Variants in UBAP2 observed in about 807,000 individuals in gnomAD.
The protein encoded by UBAP2 is ubiquitin-associated protein 2.
A neutral mutation model predicts 139.6 loss-of-function variants in UBAP2; 75 were observed. The observed-to-expected ratio is 0.54, with a 90% CI of 0.45 to 0.65. The LOEUF is 0.65. UBAP2 is among the 30% of genes least tolerant of loss of function. The pLI is 0.00. For missense variants in UBAP2, 1,368 were observed against 1,369.6 expected (o/e 1.00, Z 0.02); for synonymous variants, 526 against 526.2 (o/e 1.00, Z 0.01).
intron 10 of UBAP2, among the ~76,000 whole-genome samples, chr9:33,959,306 C>G (rs1826834783): frequency 6.6e-6 from 1 of 152,140 alleles, no homozygotes; most frequent in Non-Finnish European, 1.5e-5. Context: ...GGTCATTAAA[C>G]AAGTCAAGTA....
At chr9:33,969,460 G>C (rs1201556698) in intron 8 of UBAP2, among the ~76,000 whole-genome samples, 1 of 151,928 alleles carries the variant, frequency 6.6e-6, no homozygotes. Flanking sequence ...ATTAAGGTGG[G>C]ATGGCTTGAA....
At chr9:34,035,230 C>G (rs901643597) in intron 1 of UBAP2, among the ~76,000 whole-genome samples, 1 of 151,732 alleles carries the variant, frequency 6.6e-6, no homozygotes, top group African/African-American at 2.4e-5. Context: ...CGGCTAGGCG[C>G]GGTGGCTCAC....
chr9:33,926,634 G>GTAT lies in UBAP2; in HGVS notation c.2493_2494insATA (p.Leu831_Gln832insIle). ...CCACTCACCACTGGCAGCCGTGACT[G>GTAT]CAGCATCTGGAGCTCGTCATAGCCA... On this transcript the variant is annotated inframe_insertion, in exon 22 of 29. Transcript: ENST00000379238. The GTAT allele has an allele frequency of 6.2e-7, 1 of 1,614,212 alleles. No homozygotes were observed. The highest frequency in any genetic ancestry group is 8.5e-7 in the Non-Finnish European group (1 of 1,180,036).
chr9:33,968,332 G>A (rs1284367195), intron 8 of UBAP2: 31 of 583,438 alleles, frequency 5.3e-5, no homozygotes, highest in South Asian at 2.9e-4. Flanking sequence ...CATGTTCATC[G>A]GTCACAGAGC....
chr9:33,993,590 C>A lies in UBAP2; in HGVS notation c.288+2633G>T, dbSNP rs72727397. 5.3e-5 allele frequency among the ~76,000 whole-genome samples: 8 copies of A among 152,236 alleles called. No individual in the cohort carries two copies. In the East Asian group the frequency reaches 1.3e-3, roughly 26 times the overall value. ...GGCAGGCTGGAGGATGGCATAAGCC[C>A]GGGAGGTCGAGGCTGTAGTAAACCG... On this transcript the variant is annotated intron_variant, in intron 4 of 28. Coordinates refer to ENST00000379238, the MANE Select transcript of UBAP2 (RefSeq NM_001370062.2).
At chr9:34,012,237 A>G (rs1823813665) in intron 2 of UBAP2, among the ~76,000 whole-genome samples, 2 of 152,232 alleles carry the variant, frequency 1.3e-5, no homozygotes, top group African/African-American at 2.4e-5. Context: ...AATTAGCTAA[A>G]AAGGACATTA....
chr9:33,983,848 T>A (rs910143713), intron 6 of UBAP2, among the ~76,000 whole-genome samples: 2 of 152,200 alleles, frequency 1.3e-5, no homozygotes, highest in Non-Finnish European at 2.9e-5. Context: ...AGAATTATAC[T>A]TGGTTTTTAC....
chr9:33,961,873 T>C (rs1270608867), intron 9 of UBAP2, among the ~76,000 whole-genome samples: 2 of 152,216 alleles, frequency 1.3e-5, no homozygotes, highest in Non-Finnish European at 2.9e-5. Flanking sequence ...ATGATGATTG[T>C]TTCCTAGAAA....
intron 4 of UBAP2, among the ~76,000 whole-genome samples, chr9:33,993,372 T>C (rs927886609): frequency 6.6e-6 from 1 of 152,198 alleles, no homozygotes; most frequent in Admixed American, 6.5e-5. Context: ...CCATAGGTGC[T>C]GCAGATGGCA....
Position 33,977,937 on chromosome 9 carries a change from C to A in UBAP2, c.521-4700G>T, listed in dbSNP as rs1820296461. Among the ~76,000 whole-genome samples the A allele has an allele frequency of 1.1e-4, 17 of 150,336 alleles. No homozygotes were observed. The South Asian group carries it at 3.6e-3, about 32-fold the overall frequency. On this transcript the variant is annotated intron_variant, in intron 6 of 28. Transcript: ENST00000379238. ...GGCTGAGGCAGGAGAATCCCTTGAA[C>A]CCGGGAGGCAGAGGTTGCAGTGAGC...
intron 15 of UBAP2, 76 bp downstream of exon 15, chr9:33,943,344 C>G (rs1825392382): frequency 6.9e-7 from 1 of 1,451,118 alleles, no homozygotes; most frequent in Non-Finnish European, 9.5e-7. Context: ...GCTATTACCA[C>G]AGGATGTATT....
chr9:33,946,130 G>A (rs1825635064), intron 13 of UBAP2, among the ~76,000 whole-genome samples: 1 of 152,176 alleles, frequency 6.6e-6, no homozygotes, highest in Non-Finnish European at 1.5e-5. Flanking sequence ...AATGTGCTAA[G>A]TATCATTTCA....
chr9:34,008,740 G>A (rs1022439096), intron 2 of UBAP2, among the ~76,000 whole-genome samples: 3 of 151,950 alleles, frequency 2.0e-5, no homozygotes, highest in African/African-American at 7.2e-5. Flanking sequence ...GCTGAGGCAG[G>A]CGGATCACAA....
At chr9:33,929,068 C>G (rs1341274081) in intron 19 of UBAP2, among the ~76,000 whole-genome samples, 1 of 152,148 alleles carries the variant, frequency 6.6e-6, no homozygotes, top group African/African-American at 2.4e-5. Context: ...AGGACCAGGC[C>G]GGAGAGAGCC....
chr9:33,951,772 T>C (rs1826126462), intron 12 of UBAP2, among the ~76,000 whole-genome samples: 11 of 152,182 alleles, frequency 7.2e-5, no homozygotes, highest in Admixed American at 7.2e-4. Flanking sequence ...TAAAGCAACA[T>C]ATCTGAAGAT....
intron 1 of UBAP2, among the ~76,000 whole-genome samples, chr9:34,030,012 A>T (rs1164720327): frequency 7.2e-6 from 1 of 138,878 alleles, no homozygotes; most frequent in Non-Finnish European, 1.6e-5. Flanking sequence ...AAAGAAATAC[A>T]TACATAGGCC....
chr9:33,993,997 C>T (rs886871000), intron 4 of UBAP2, among the ~76,000 whole-genome samples: 4 of 150,724 alleles, frequency 2.7e-5, no homozygotes, highest in African/African-American at 2.4e-5. Flanking sequence ...CGGGTTCAAG[C>T]AATTCTCCTG....
intron 10 of UBAP2, among the ~76,000 whole-genome samples, chr9:33,959,324 T>C (rs1826835770): frequency 6.6e-6 from 1 of 152,144 alleles, no homozygotes; most frequent in Admixed American, 6.5e-5. Flanking sequence ...GTAGAAATCA[T>C]GTTTCTTGTT....
chr9:34,040,408 T>A (rs1173667774), intron 1 of UBAP2, among the ~76,000 whole-genome samples: 1 of 148,178 alleles, frequency 6.7e-6, no homozygotes, highest in South Asian at 2.1e-4. Context: ...GGCAGACATA[T>A]ATCCAAAATA....
Sources: gnomAD v4.1 joint callset for allele counts (sites outside exome capture counted in the v4.1 genomes callset) on GRCh38, gnomAD v4.1.1 for gene constraint, MANE v1.5 for transcripts, NCBI Gene and HGNC (gene_info 2026-07-23, HGNC 2026-07-21) for gene names.